Variants in FBXL16 observed in about 807,000 individuals in gnomAD.
The protein encoded by FBXL16 is F-box/LRR-repeat protein 16.
In FBXL16, 7 loss-of-function variants were observed where a neutral mutation model predicts 36.7. The ratio of observed to expected loss-of-function variants is 0.19; its 90% CI spans 0.11 to 0.36. The LOEUF (loss-of-function observed/expected upper bound fraction) is 0.36, where lower values mean the gene tolerates loss of function less well. Ranked by LOEUF, FBXL16 falls within the 10% of genes least tolerant of loss-of-function variation. The probability of loss-of-function intolerance (pLI) is 1.00; values close to 1 mark genes in which losing one functional copy is unlikely to be tolerated. For missense variants in FBXL16, 463 were observed against 659.4 expected (o/e 0.70, Z 3.26); for synonymous variants, 355 against 308.7 (o/e 1.15, Z -1.57).
At chr16:700,804 C>T (rs1279010230) in intron 1 of FBXL16, among the ~76,000 whole-genome samples, 2 of 152,056 alleles carry the variant, frequency 1.3e-5, no homozygotes, top group African/African-American at 2.4e-5. Context: ...TGGACAGCGG[C>T]CGCCCCAGCC....
At chr16:694,575 G>T in intron 5 of FBXL16, 59 bp downstream of exon 5, 1 of 1,550,290 alleles carries the variant, frequency 6.5e-7, no homozygotes, top group Non-Finnish European at 8.8e-7. Flanking sequence ...GGTTGGGCGG[G>T]TGGACTAAGT....
At chr16:699,115 G>A (rs543892876) in intron 1 of FBXL16, among the ~76,000 whole-genome samples, 13 of 152,334 alleles carry the variant, frequency 8.5e-5, no homozygotes, top group Admixed American at 6.5e-4. Context: ...CTGCACAGAT[G>A]AGGAAACTGA....
In FBXL16 at chr16:697,357, G is replaced by C; in HGVS notation, c.49C>G (p.Arg17Gly). 1 of 1,537,032 alleles carries C rather than the reference G, an allele frequency of 6.5e-7. No individual in the cohort carries two copies. Among genetic ancestry groups the C allele is most frequent in the Non-Finnish European group, 8.7e-7 (1 of 1,147,640 alleles). ...DGDPKPPCLP[R>G]NGLVKLPGQP... is the part of the protein sequence containing the mutation. The stretch of plus-strand genomic sequence containing the variant: ...CCCGGCAGCTTCACCAGACCGTTTC[G>C]AGGCAAGCATGGAGGCTTGGGGTCG... Residue 17 changes from arginine to glycine, a missense_variant, in exon 2 of 6, where the codon CGA becomes GGA. This residue lies in a region of FBXL16 where 263 missense variants were observed against 341.1 expected (regional missense o/e 0.77). Coordinates refer to ENST00000397621, the MANE Select transcript of FBXL16 (RefSeq NM_153350.4). This position sits in a 1 kb window ranked among gnomAD's most constrained non-coding sequence, Gnocchi z 4.6.
chr16:695,405 G>T lies in FBXL16; in HGVS notation c.1142+10C>A, dbSNP rs770696356. On this transcript the variant is annotated intron_variant, in intron 3 of 5. Coordinates refer to ENST00000397621, the MANE Select transcript of FBXL16 (RefSeq NM_153350.4). ...CCCAGCCCCGCCCGGCGCGGCCCGGGGGCGCGCACCTGTCGAGCACGAGCT... is the reference window on the plus strand; with the variant it reads ...CCCAGCCCCGCCCGGCGCGGCCCGGTGGCGCGCACCTGTCGAGCACGAGCT... 1 of 1,522,860 alleles carries T rather than the reference G, an allele frequency of 6.6e-7. No individual in the cohort carries two copies. The highest frequency in any genetic ancestry group is 1.4e-5 in the African/African-American group (1 of 72,142). The allele number at this position is 1,522,860 out of a possible 1,614,324, so 94.3% of individuals were successfully genotyped here.
At chr16:696,114 A>C (rs934607846) in intron 2 of FBXL16, 191 bp from the exon 3 acceptor site, 10 of 771,638 alleles carry the variant, frequency 1.3e-5, no homozygotes, top group Non-Finnish European at 2.0e-5. Context: ...CACCAGCGTT[A>C]CAATTAGACT....
At chr16:701,591 T>C (rs1225854667) in intron 1 of FBXL16, among the ~76,000 whole-genome samples, 2 of 152,138 alleles carry the variant, frequency 1.3e-5, no homozygotes, top group African/African-American at 4.8e-5. Flanking sequence ...CCCCTCTGCT[T>C]GGCCCTGGGC....
rs1437649759 is a variant in FBXL16, at chr16:695,178, C to T, written c.1143-102G>A. On this transcript the variant is annotated intron_variant, in intron 3 of 5. Coordinates refer to ENST00000397621, the MANE Select transcript of FBXL16 (RefSeq NM_153350.4). ...CTGGCGTGAATCCCTTCCTGCCCCA[C>T]CCGGAGCAGCCGCTGGCCCCTCCTC... 5.4e-6 allele frequency: 7 copies of T among 1,284,534 alleles called. No individual in the cohort carries two copies. In the South Asian group the frequency reaches 8.3e-5, roughly 15 times the overall value. 79.6% of individuals were successfully genotyped at this position (1,284,534 alleles called of 1,614,324 possible). A position where few individuals can be genotyped will look rare whatever the true frequency, so the allele number is the denominator to read the frequency against.
chr16:694,366 T>G lies in FBXL16; in HGVS notation c.1349A>C (p.Glu450Ala). The G allele has an allele frequency of 6.5e-7, 1 of 1,538,974 alleles. No homozygotes were observed. The highest frequency in any genetic ancestry group is 8.7e-7 in the Non-Finnish European group (1 of 1,152,482). The change falls in exon 6 of 6, where the codon GAG (glutamate) becomes GCG (alanine). Residue 450 changes from glutamate (E) to alanine (A), a missense_variant. Around this residue, in one of 3 missense-constraint regions of FBXL16, gnomAD observed 134 missense variants for 172.0 expected, o/e 0.78. Transcript: ENST00000397621. ...GGGGCAGTTGGTCAGCTCCAGCTCC[T>G]CCAGCTCCTGCAGCTGCACCAGGCC... ...LSGLVQLQEL[E>A]ELELTNCPGA...
intron 1 of FBXL16, among the ~76,000 whole-genome samples, chr16:704,168 G>A (rs1017981270): frequency 1.3e-5 from 2 of 152,368 alleles, no homozygotes; most frequent in African/African-American, 4.8e-5. Context: ...CTGGGTGGGA[G>A]ATCCCTAACT....
chr16:702,938 C>T (rs1450331983), intron 1 of FBXL16, among the ~76,000 whole-genome samples: 1 of 152,276 alleles, frequency 6.6e-6, no homozygotes, highest in Non-Finnish European at 1.5e-5. Context: ...CCCGCTCTCC[C>T]TGGCACCACA....
chr16:700,904 G>A (rs982556151), intron 1 of FBXL16, among the ~76,000 whole-genome samples: 9 of 152,316 alleles, frequency 5.9e-5, no homozygotes, highest in African/African-American at 2.2e-4. Context: ...GGCAGCCCCC[G>A]CTCAGCAGGG....
At chr16:696,659 G>A (rs2040013677) in intron 2 of FBXL16, 114 bp downstream of exon 2, 2 of 519,918 alleles carry the variant, frequency 3.8e-6, no homozygotes, top group Non-Finnish European at 5.0e-6. Flanking sequence ...GAGGTCCCCT[G>A]TAGTCAGTCC....
chr16:703,667 CCA>C (rs550895822), intron 1 of FBXL16, among the ~76,000 whole-genome samples: 332 of 152,382 alleles, frequency 2.2e-3, no homozygotes, highest in Non-Finnish European at 3.8e-3. Context: ...TCTCCCGCCC[CCA>C]GTTTGAGATG....
At chr16:698,339 G>A (rs1019350657) in intron 1 of FBXL16, among the ~76,000 whole-genome samples, 8 of 152,112 alleles carry the variant, frequency 5.3e-5, no homozygotes, top group South Asian at 4.1e-4. Context: ...GCGAAGAAAC[G>A]CCGACACTTT....
chr16:695,368 AG>A (rs1250907377), intron 3 of FBXL16, 46 bp downstream of exon 3: 1 of 1,300,434 alleles, frequency 7.7e-7, no homozygotes, highest in Non-Finnish European at 9.8e-7. Context: ...CGCCCCGTGC[AG>A]CCCCGCCCGG....
chr16:694,188 G>A lies in FBXL16; in HGVS notation c.*87C>T, dbSNP rs928208441. The A allele has an allele frequency of 3.0e-6, 3 of 999,402 alleles. No individual in the cohort carries two copies. In the Admixed American group the frequency reaches 1.4e-4, roughly 45 times the overall value. The allele number at this position is 999,402 out of a possible 1,614,324, so 61.9% of individuals were successfully genotyped here. On this transcript the variant is annotated 3_prime_UTR_variant, in exon 6 of 6. Coordinates refer to ENST00000397621, the MANE Select transcript of FBXL16 (RefSeq NM_153350.4). ...CGGGGGCGCGGGGGCTCCCCCGAGC[G>A]CAAGGCGGGAAGAGGGGGCTCGGCG...
chr16:698,924 AAAAAAAAAG>A (rs1176569371), intron 1 of FBXL16, among the ~76,000 whole-genome samples: 3 of 137,400 alleles, frequency 2.2e-5, no homozygotes, highest in Non-Finnish European at 4.7e-5. Flanking sequence ...AAAAAAAAAA[AAAAAAAAAG>A]AAAGAAAGAA....
Position 694,440 on chromosome 16 carries a change from G to C in FBXL16, c.1292-17C>G, listed in dbSNP as rs1268655935. ...GCGGGCAGCCTGCGGCGGGGTCAGA[G>C]GGCGGCTCAGTGCGCGCGGCCCAGG... On this transcript the variant is annotated splice_polypyrimidine_tract_variant and intron_variant, in intron 5 of 5. Coordinates refer to ENST00000397621, the MANE Select transcript of FBXL16 (RefSeq NM_153350.4). 6.5e-7 allele frequency: 1 copy of C among 1,539,804 alleles called. No individual in the cohort carries two copies. Among genetic ancestry groups the C allele is most frequent in the Non-Finnish European group, 8.7e-7 (1 of 1,150,580 alleles).
intron 1 of FBXL16, among the ~76,000 whole-genome samples, chr16:699,714 G>A (rs2040041802): frequency 6.6e-6 from 1 of 152,176 alleles, no homozygotes; most frequent in Admixed American, 6.5e-5. Flanking sequence ...GCCTCATGCA[G>A]GTCCTGCCTT....
Sources: allele counts gnomAD v4.1 joint callset (sites outside exome capture counted in the v4.1 genomes callset), GRCh38; gene constraint gnomAD v4.1.1; regional missense constraint gnomAD v4.1.1; non-coding constraint Gnocchi (gnomAD v3.1); transcripts MANE v1.5; gene names NCBI Gene and HGNC (gene_info 2026-07-23, HGNC 2026-07-21).